The following NUP210 variants were observed in gnomAD, a reference collection of about 807,000 sequenced individuals.
NUP210 encodes the protein nuclear pore membrane glycoprotein 210.
Under a neutral mutation model 196.0 loss-of-function variants are expected in NUP210, and 151 were observed. That is an observed-to-expected ratio of 0.77 (90% confidence interval 0.67 to 0.88). The LOEUF is 0.88. NUP210 is among the 40% of genes least tolerant of loss of function. The pLI is 0.00. For missense variants in NUP210, 2,314 were observed against 2,493.7 expected, an observed-to-expected ratio of 0.93 and a Z score of 1.53; for synonymous variants, 1,070 against 1,052.7, an observed-to-expected ratio of 1.02 and a Z score of -0.32.
At chr3:13,392,088 A>G (rs1469610384) in intron 3 of NUP210, among the ~76,000 whole-genome samples, 1 of 152,062 alleles carries the variant, frequency 6.6e-6, no homozygotes, top group African/African-American at 2.4e-5. Context: ...CCTGTTCCAC[A>G]TCCCTCATCC....
At chr3:13,370,033 CT>C (rs1698675832) in intron 13 of NUP210, among the ~76,000 whole-genome samples, 1 of 152,172 alleles carries the variant, frequency 6.6e-6, no homozygotes, top group Non-Finnish European at 1.5e-5. Flanking sequence ...AAATTTGTTT[CT>C]TTAGCTGAGT....
rs565778880 is a variant in NUP210, at chr3:13,321,877, C to T, written c.4916-42G>A. On this transcript the variant is annotated intron_variant, in intron 35 of 39. Coordinates refer to ENST00000254508, the MANE Select transcript of NUP210 (RefSeq NM_024923.4). ...GTATTGTCTTGTCCCCTCTCCTGCC[C>T]GTGCACTGATGTCATTTCTTCTCCC... 3.7e-5 allele frequency: 58 copies of T among 1,583,154 alleles called. 1 individual carries two copies. Among genetic ancestry groups the T allele is most frequent in the South Asian group, 4.5e-5 (4 of 89,194 alleles).
intron 35 of NUP210, 97 bp from the exon 36 acceptor site, chr3:13,321,932 T>G: frequency 3.3e-6 from 5 of 1,503,828 alleles, no homozygotes; most frequent in Non-Finnish European, 4.5e-6. Context: ...TTCCTATGCA[T>G]CCTCCAAAGC....
intron 36 of NUP210, among the ~76,000 whole-genome samples, chr3:13,321,075 G>A (rs1163748673): frequency 6.6e-6 from 1 of 152,260 alleles, no homozygotes; most frequent in African/African-American, 2.4e-5. Flanking sequence ...GGAGGAGCAG[G>A]CGGAAATGCC....
At position 13,317,274 on chromosome 3, in the gene NUP210, T is replaced by G; in HGVS notation, c.*407A>C. The G allele has an allele frequency of 4.8e-6, 1 of 207,412 alleles. No homozygotes were observed. Among genetic ancestry groups the G allele is most frequent in the Non-Finnish European group, 9.8e-6 (1 of 101,534 alleles). 12.8% of individuals were successfully genotyped at this position (207,412 alleles called of 1,614,324 possible). A position where few individuals can be genotyped will look rare whatever the true frequency, so the allele number is the denominator to read the frequency against. ...CCCCCTAAAGTAACTGGACAATCCT[T>G]TCCCTGAGACCACTACAGTAACATC... On this transcript the variant is annotated 3_prime_UTR_variant, in exon 40 of 40. Transcript: ENST00000254508.
chr3:13,400,156 A>G (rs1390175343), intron 1 of NUP210, among the ~76,000 whole-genome samples: 1 of 152,190 alleles, frequency 6.6e-6, no homozygotes, highest in East Asian at 1.9e-4. Flanking sequence ...ACAGATGGCC[A>G]CCGTCCAAGA....
At chr3:13,365,760 A>G (rs1246336052) in intron 14 of NUP210, among the ~76,000 whole-genome samples, 186 bp downstream of exon 14, 2 of 152,216 alleles carry the variant, frequency 1.3e-5, no homozygotes, top group South Asian at 2.1e-4. Flanking sequence ...CCACTGCCCC[A>G]TCAGGGAGGC....
chr3:13,356,326 T>C (rs1482593977), intron 16 of NUP210, among the ~76,000 whole-genome samples: 1 of 152,228 alleles, frequency 6.6e-6, no homozygotes, highest in East Asian at 1.9e-4. Context: ...CAGGCTGCAT[T>C]GCAGGAATAT....
At chr3:13,410,627 A>G (rs2124961524) in intron 1 of NUP210, among the ~76,000 whole-genome samples, 1 of 150,458 alleles carries the variant, frequency 6.6e-6, no homozygotes. Flanking sequence ...CTAAAAAAAA[A>G]AACAAAAAGG....
chr3:13,348,513 A>C lies in NUP210; in HGVS notation c.2835+3366T>G. The stretch of plus-strand genomic sequence containing the variant: ...TCTTGGTAATGGGGAAGTTTTTATT[A>C]ATTTCCAAAAATAAACAAAACAAGG... On this transcript the variant is annotated intron_variant, in intron 20 of 39. Coordinates refer to ENST00000254508, the MANE Select transcript of NUP210 (RefSeq NM_024923.4). This position sits in a 1 kb window ranked among gnomAD's most constrained non-coding sequence, Gnocchi z 4.0. 2 of 985,446 alleles carry C rather than the reference A, an allele frequency of 2.0e-6. No homozygotes were observed. The highest frequency in any genetic ancestry group is 2.4e-6 in the Non-Finnish European group (2 of 829,922). 61.0% of individuals were successfully genotyped at this position (985,446 alleles called of 1,614,324 possible).
intron 1 of NUP210, among the ~76,000 whole-genome samples, chr3:13,417,550 T>C (rs1053627032): frequency 6.6e-6 from 1 of 152,348 alleles, no homozygotes; most frequent in African/African-American, 2.4e-5. Flanking sequence ...TATATGTCTA[T>C]AGGCCAGCTC....
intron 8 of NUP210, among the ~76,000 whole-genome samples, chr3:13,378,282 C>T (rs1328992543): frequency 6.6e-6 from 1 of 152,246 alleles, no homozygotes; most frequent in Admixed American, 6.5e-5. Flanking sequence ...CAGGTCTACA[C>T]TCTGAAGCCT....
rs769978300 is a variant in NUP210 at position 13,352,113 on chromosome 3, T to C, written c.2700A>G (p.Glu900=). ...ILVEDVRVSP[E]EVTIYNHPGI... ...CAGGGTGGTTGTAGATGGTCACCTC[T>C]TCTGGGCTCACCCTCACGTCCTCCA... The change falls in exon 19 of 40, where the codon GAA becomes GAG. Residue 900 remains glutamate, a synonymous_variant. Transcript: ENST00000254508. 4.3e-6 allele frequency: 7 copies of C among 1,614,102 alleles called. No homozygotes were observed. Among genetic ancestry groups the C allele is most frequent in the East Asian group, 4.5e-5 (2 of 44,882 alleles).
In NUP210 at chr3:13,347,207, G is replaced by GC. The variant is rs1031764431; in HGVS notation, c.2836-3905dup. On this transcript the variant is annotated intron_variant, in intron 20 of 39. Coordinates refer to ENST00000254508, the MANE Select transcript of NUP210 (RefSeq NM_024923.4). This position sits in a 1 kb window ranked among gnomAD's most constrained non-coding sequence, Gnocchi z 4.7. ...CACAGCTGCGGCTCACAGGAGCTGG[G>GC]CCCCCCGGCTTCATTCCCTCCTGAA... The GC allele has an allele frequency of 5.1e-6, 5 of 985,210 alleles. No homozygotes were observed. The highest frequency in any genetic ancestry group is 4.7e-5 in the South Asian group (1 of 21,286). 61.0% of individuals were successfully genotyped at this position (985,210 alleles called of 1,614,324 possible). A position where few individuals can be genotyped will look rare whatever the true frequency, so the allele number is the denominator to read the frequency against.
chr3:13,358,358 G>A lies in NUP210; in HGVS notation c.2192C>T (p.Thr731Ile). The change falls in exon 16 of 40, where the codon ACC (threonine) becomes ATC (isoleucine). Residue 731 changes from threonine to isoleucine, a missense_variant. Coordinates refer to ENST00000254508, the MANE Select transcript of NUP210 (RefSeq NM_024923.4). ...AGGCTCCACCGCAGGAAAGGGGTTG[G>A]TGAGGCTGGGCTTGTTCCCCACCGA... ...ALSVGNKPSLTNPFPAVEPAV... is the reference protein window; with the variant it reads ...ALSVGNKPSLINPFPAVEPAV... 1 of 1,613,706 alleles carries A rather than the reference G, an allele frequency of 6.2e-7. No individual in the cohort carries two copies. Among genetic ancestry groups the A allele is most frequent in the Admixed American group, 1.7e-5 (1 of 59,980 alleles).
chr3:13,355,677 T>A (rs1382953737), intron 16 of NUP210, among the ~76,000 whole-genome samples: 1 of 152,144 alleles, frequency 6.6e-6, no homozygotes, highest in Non-Finnish European at 1.5e-5. Flanking sequence ...GGCTACAAAT[T>A]CTTAATCCAC....
intron 1 of NUP210, among the ~76,000 whole-genome samples, chr3:13,404,821 A>G (rs1699953646): frequency 2.0e-5 from 3 of 152,226 alleles, no homozygotes. Flanking sequence ...CTGGCCAGTC[A>G]TGTGCAAGTC....
chr3:13,402,408 A>G (rs1699869381), intron 1 of NUP210, among the ~76,000 whole-genome samples: 1 of 152,128 alleles, frequency 6.6e-6, no homozygotes, highest in Admixed American at 6.5e-5. Flanking sequence ...CCTCAACAAA[A>G]TAGAGATAAC....
intron 20 of NUP210, among the ~76,000 whole-genome samples, chr3:13,345,990 C>T (rs534776496): frequency 6.6e-6 from 1 of 152,362 alleles, no homozygotes; most frequent in East Asian, 1.9e-4. Flanking sequence ...TGCGGAGCCC[C>T]ACGCAGGGCA....
Sources: gnomAD v4.1 joint callset for allele counts (sites outside exome capture counted in the v4.1 genomes callset) on GRCh38, gnomAD v4.1.1 for gene constraint, Gnocchi (gnomAD v3.1) non-coding constraint, MANE v1.5 for transcripts, NCBI Gene and HGNC (gene_info 2026-07-23, HGNC 2026-07-21) for gene names.